The following ESR2 variants were observed in gnomAD, a reference collection of about 807,000 sequenced individuals.
The protein encoded by ESR2 is estrogen receptor 2.
In ESR2, 36 loss-of-function variants were observed where a neutral mutation model predicts 49.6. That is an observed-to-expected ratio of 0.73 (90% CI 0.56 to 0.96). The LOEUF is 0.96. Ranked by LOEUF, ESR2 falls within the 40% of genes least tolerant of loss-of-function variation. ESR2 has a pLI of 0.00. For synonymous variants in ESR2, 320 were observed against 266.1 expected, an observed-to-expected ratio of 1.20 and a Z score of -1.97; for missense variants, 714 against 693.0, an observed-to-expected ratio of 1.03 and a Z score of -0.34.
At chr14:64,312,068 T>C (rs1201739058) in intron 1 of ESR2, among the ~76,000 whole-genome samples, 3 of 152,182 alleles carry the variant, frequency 2.0e-5, no homozygotes, top group African/African-American at 7.2e-5. Context: ...GATAATTATA[T>C]AAACAGGGAA....
chr14:64,329,690 A>C (rs2077431827), intron 1 of ESR2: 1 of 152,254 alleles, frequency 6.6e-6, no homozygotes. Context: ...GCTTAGATAC[A>C]TAAATGACTA....
In ESR2 at chr14:64,284,911, G is replaced by A. The variant is rs184223408; in HGVS notation, c.-90-1836C>T. Among the ~76,000 whole-genome samples the A allele has an allele frequency of 1.3e-4, 20 of 150,630 alleles. 1 individual carries two copies. The highest frequency in any genetic ancestry group is 9.9e-4 in the Admixed American group (15 of 15,094). ...GTCACCCAGGCTGGAGTGCAGTGGC[G>A]CAATCTCGGCTCACTGCAACCTCCA... On this transcript the variant is annotated intron_variant, in intron 1 of 8. Coordinates refer to ENST00000341099, the MANE Select transcript of ESR2 (RefSeq NM_001437.3).
At chr14:64,329,042 A>G (rs2077422768) in intron 1 of ESR2, among the ~76,000 whole-genome samples, 1 of 152,178 alleles carries the variant, frequency 6.6e-6, no homozygotes, top group African/African-American at 2.4e-5. Flanking sequence ...GCCTACAATT[A>G]TTGTAGGAGA....
At chr14:64,234,914 G>C in intron 8 of ESR2, 56 bp downstream of exon 8, 1 of 1,588,280 alleles carries the variant, frequency 6.3e-7, no homozygotes, top group Non-Finnish European at 8.6e-7. Flanking sequence ...TTCACCCTCC[G>C]TGGAGCACAT....
At chr14:64,301,836 A>G (rs946558724) in intron 1 of ESR2, among the ~76,000 whole-genome samples, 1 of 152,188 alleles carries the variant, frequency 6.6e-6, no homozygotes, top group Non-Finnish European at 1.5e-5. Flanking sequence ...TAAATTCTCA[A>G]TAAATAGTAG....
intron 1 of ESR2, among the ~76,000 whole-genome samples, chr14:64,307,780 C>T (rs1356355661): frequency 6.6e-6 from 1 of 151,942 alleles, no homozygotes; most frequent in Non-Finnish European, 1.5e-5. Flanking sequence ...GTGATCCACC[C>T]GCCTCGGCCT....
chr14:64,324,428 A>G (rs2077365296), intron 1 of ESR2, among the ~76,000 whole-genome samples: 1 of 152,224 alleles, frequency 6.6e-6, no homozygotes, highest in Non-Finnish European at 1.5e-5. Flanking sequence ...TCTACACCAA[A>G]TAAAGTTAAA....
intron 1 of ESR2, chr14:64,336,464 TTTAACAG>T (rs1198391461): frequency 6.6e-6 from 1 of 152,216 alleles, no homozygotes; most frequent in African/African-American, 2.4e-5. Context: ...GTCTGTAACA[TTTAACAG>T]TTAATTACTC....
At chr14:64,302,483 G>A (rs1053734879) in intron 1 of ESR2, among the ~76,000 whole-genome samples, 3 of 151,628 alleles carry the variant, frequency 2.0e-5, no homozygotes, top group African/African-American at 7.3e-5. Context: ...CACCGCGCCC[G>A]GCCTCACCTG....
In ESR2 at chr14:64,229,077, C is replaced by G. The variant is rs1303503478; in HGVS notation, c.*4060G>C. 6.6e-6 allele frequency among the ~76,000 whole-genome samples: 1 copy of G among 152,112 alleles called. No individual in the cohort carries two copies. The highest frequency in any genetic ancestry group is 1.5e-5 in the Non-Finnish European group (1 of 68,014). On this transcript the variant is annotated 3_prime_UTR_variant, in exon 9 of 9. Transcript: ENST00000341099. ...AAAGCAGTCACAGACAGGAGGTGAT[C>G]ACAGTACCCACTAGAGCTCATGAAC...
chr14:64,303,153 C>T (rs942578243), intron 1 of ESR2, among the ~76,000 whole-genome samples: 7 of 152,136 alleles, frequency 4.6e-5, no homozygotes, highest in Admixed American at 4.6e-4. Flanking sequence ...GATTAAACCC[C>T]GAGTGGCTTG....
At position 64,312,391 on chromosome 14, in the gene ESR2, C is replaced by T. The variant is rs373578888; in HGVS notation, c.-91+25507G>A. On this transcript the variant is annotated intron_variant, in intron 1 of 8. Transcript: ENST00000358599. ...ACATTAAATGTAAATGGTCTAGATA[C>T]ACCAGTTAGGCCGGGCGCAGTGTCT... 2.1e-4 allele frequency among the ~76,000 whole-genome samples: 32 copies of T among 152,216 alleles called. No homozygotes were observed. In the South Asian group the frequency reaches 6.0e-3, roughly 29 times the overall value.
Position 64,229,146 on chromosome 14 carries a change from T to A in ESR2, c.*3991A>T, listed in dbSNP as rs1342547414. ...AATAACAGATTATGCATCTTATTTT[T>A]CCATCTGTCATTGCTGCTGTTGTGT... On this transcript the variant is annotated 3_prime_UTR_variant, in exon 9 of 9. Coordinates refer to ENST00000341099, the MANE Select transcript of ESR2 (RefSeq NM_001437.3). Among the ~76,000 whole-genome samples the A allele has an allele frequency of 1.3e-5, 2 of 152,150 alleles. No individual in the cohort carries two copies. Among genetic ancestry groups the A allele is most frequent in the African/African-American group, 4.8e-5 (2 of 41,438 alleles).
At chr14:64,283,390 G>A (rs1467078146) in intron 1 of ESR2, among the ~76,000 whole-genome samples, 2 of 152,062 alleles carry the variant, frequency 1.3e-5, no homozygotes, top group African/African-American at 4.8e-5. Flanking sequence ...AAGTTCTTAT[G>A]GAAAAATAAG....
At chr14:64,271,494 T>G (rs764033572) in intron 3 of ESR2, among the ~76,000 whole-genome samples, 2 of 152,044 alleles carry the variant, frequency 1.3e-5, no homozygotes, top group Non-Finnish European at 2.9e-5. Context: ...CCCAGCTAAT[T>G]TTTTGTATTT....
chr14:64,280,063 G>A lies in ESR2; in HGVS notation c.453C>T (p.Val151=), dbSNP rs753657562. 1.2e-6 allele frequency: 2 copies of A among 1,613,880 alleles called. No individual in the cohort carries two copies. Among genetic ancestry groups the A allele is most frequent in the Non-Finnish European group, 1.7e-6 (2 of 1,179,850 alleles). ...GATATCCCGATGCGTAATCGCTGCAGACAGCGCAGAAGTGAGCATCCCTCT... is the reference window on the plus strand; with the variant it reads ...GATATCCCGATGCGTAATCGCTGCAAACAGCGCAGAAGTGAGCATCCCTCT... ...GSKRDAHFCA[V]CSDYASGYHY... The change falls in exon 3 of 9, where the codon GTC becomes GTT. Residue 151 remains valine (V), a synonymous_variant. Transcript: ENST00000341099.
rs763287137 is a variant in ESR2, at chr14:64,233,297, T to C, written c.1433A>G (p.Asn478Ser). The C allele has an allele frequency of 4.3e-6, 7 of 1,614,026 alleles. No individual in the cohort carries two copies. In the South Asian group the frequency reaches 6.6e-5, roughly 15 times the overall value. Residue 478 changes from asparagine (N) to serine (S), a missense_variant, in exon 9 of 9, where the codon AAC (asparagine) becomes AGC (serine). Asn to Ser is a conservative substitution (Grantham distance 46). Coordinates refer to ENST00000341099, the MANE Select transcript of ESR2 (RefSeq NM_001437.3). ...TGGGACCACATTTTTGCACTTCATG[T>C]TGAGCAGATGTTCCATGCCCTTGTT... ...ASNKGMEHLL[N>S]MKCKNVVPVY...
chr14:64,325,775 T>G (rs1264894213), intron 1 of ESR2, among the ~76,000 whole-genome samples: 1 of 152,208 alleles, frequency 6.6e-6, no homozygotes, highest in East Asian at 1.9e-4. Flanking sequence ...CCACTTCCAC[T>G]TAATGATTAG....
At position 64,264,475 on chromosome 14, in the gene ESR2, T is replaced by A. The variant is rs566944683; in HGVS notation, c.653-3727A>T. On this transcript the variant is annotated intron_variant, in intron 4 of 8. Coordinates refer to ENST00000341099, the MANE Select transcript of ESR2 (RefSeq NM_001437.3). ...AAATGTATGTTTTTCTTAATTTTTT[T>A]AATATACTTTAGGTTCTGGGATACA... Among the ~76,000 whole-genome samples the A allele has an allele frequency of 2.6e-4, 36 of 139,134 alleles. No homozygotes were observed. In the South Asian group the frequency reaches 6.4e-3, roughly 25 times the overall value. The allele number at this position is 139,134 out of a possible 152,430, so 91.3% of individuals were successfully genotyped here. A position where few individuals can be genotyped will look rare whatever the true frequency, so the allele number is the denominator to read the frequency against.
Sources: gnomAD v4.1 joint callset for allele counts (sites outside exome capture counted in the v4.1 genomes callset) on GRCh38, gnomAD v4.1.1 for gene constraint, MANE v1.5 for transcripts, NCBI Gene and HGNC (gene_info 2026-07-23, HGNC 2026-07-21) for gene names.